MAD1L1: variants seen among roughly 807,000 people sequenced by gnomAD.
MAD1L1 encodes mitotic spindle assembly checkpoint protein MAD1.
MAD1L1 carries 95 observed loss-of-function variants against 96.9 expected under a neutral mutation model. That is an observed-to-expected ratio of 0.98 (90% CI 0.83 to 1.16). The LOEUF (loss-of-function observed/expected upper bound fraction) is 1.16, where lower values mean the gene tolerates loss of function less well. Ranked by LOEUF, MAD1L1 falls within the 50% of genes most tolerant of loss-of-function variation. MAD1L1 has a pLI of 0.00. For synonymous variants in MAD1L1, 473 were observed against 396.6 expected (o/e 1.19, Z -2.29); for missense variants, 1,007 against 954.4 (o/e 1.06, Z -0.73).
At chr7:1,973,914 G>A (rs1158709191) in intron 15 of MAD1L1, among the ~76,000 whole-genome samples, 2 of 152,228 alleles carry the variant, frequency 1.3e-5, no homozygotes, top group Non-Finnish European at 2.9e-5. Flanking sequence ...ACAGACACAG[G>A]AGCAGTGCCG....
intron 14 of MAD1L1, among the ~76,000 whole-genome samples, chr7:1,983,152 G>GCA (rs1554319178): frequency 0.019 from 581 of 29,856 alleles, 3 homozygotes; most frequent in African/African-American, 0.041. Context: ...GCGCGCGCGC[G>GCA]CGCACACACA....
chr7:1,910,455 C>T (rs1315506066), intron 17 of MAD1L1, among the ~76,000 whole-genome samples: 2 of 152,376 alleles, frequency 1.3e-5, no homozygotes, highest in Middle Eastern at 3.4e-3. Flanking sequence ...TCTGCGATGC[C>T]AGCACTGTTG....
chr7:2,140,658 C>A (rs1788984491), intron 11 of MAD1L1, among the ~76,000 whole-genome samples: 1 of 152,224 alleles, frequency 6.6e-6, no homozygotes, highest in African/African-American at 2.4e-5. Context: ...AGGAGAAACC[C>A]CAAGGAGCAA....
chr7:1,903,615 T>C (rs1417763999), intron 17 of MAD1L1, among the ~76,000 whole-genome samples: 1 of 143,130 alleles, frequency 7.0e-6, no homozygotes, highest in Non-Finnish European at 1.5e-5. Flanking sequence ...GAAGAAGCTC[T>C]TGCAGAACTC....
chr7:1,934,252 C>T (rs1257800991), intron 17 of MAD1L1, among the ~76,000 whole-genome samples: 1 of 152,246 alleles, frequency 6.6e-6, no homozygotes, highest in East Asian at 1.9e-4. Context: ...ATGGTCAGCT[C>T]AGACACGCCT....
At chr7:1,822,192 C>T (rs200540120) in intron 18 of MAD1L1, among the ~76,000 whole-genome samples, 7 of 58,490 alleles carry the variant, frequency 1.2e-4, no homozygotes, top group African/African-American at 2.9e-4. Flanking sequence ...AAGTGAAAAA[C>T]AAAATTAAAA....
At chr7:1,946,650 C>T (rs1288272537) in intron 16 of MAD1L1, among the ~76,000 whole-genome samples, 2 of 152,216 alleles carry the variant, frequency 1.3e-5, no homozygotes, top group East Asian at 1.9e-4. Flanking sequence ...GCGGAAGAGC[C>T]GGCTGGCGGG....
chr7:1,955,074 C>T (rs902601075), intron 16 of MAD1L1, among the ~76,000 whole-genome samples: 2 of 152,216 alleles, frequency 1.3e-5, no homozygotes, highest in East Asian at 1.9e-4. Flanking sequence ...GCGGCACTCG[C>T]GCCCAGCTCT....
chr7:1,893,505 C>T lies in MAD1L1; in HGVS notation c.1998+4695G>A, dbSNP rs368187118. ...GGTTTGGCGAGATCTTTCAGGAGCA[C>T]GGGAGCCACGTATGCCAGCCCCCAG... is the stretch of plus-strand genomic sequence containing the variant. On this transcript the variant is annotated intron_variant, in intron 18 of 18. Transcript: ENST00000265854. 7.2e-5 allele frequency among the ~76,000 whole-genome samples: 11 copies of T among 152,222 alleles called. No individual in the cohort carries two copies. The East Asian group carries it at 7.7e-4, about 11-fold the overall frequency.
chr7:1,992,562 C>T (rs558890753), intron 14 of MAD1L1, among the ~76,000 whole-genome samples: 1 of 152,326 alleles, frequency 6.6e-6, no homozygotes, highest in East Asian at 1.9e-4. Flanking sequence ...AAAGTTCTCC[C>T]TACAGAAAGG....
At chr7:2,098,236 C>T (rs1429925365) in intron 11 of MAD1L1, among the ~76,000 whole-genome samples, 1 of 152,224 alleles carries the variant, frequency 6.6e-6, no homozygotes, top group African/African-American at 2.4e-5. Context: ...CCGTCCTCTG[C>T]CAAAGCCCCG....
chr7:1,921,091 C>T (rs1297015514), intron 17 of MAD1L1, among the ~76,000 whole-genome samples: 1 of 152,148 alleles, frequency 6.6e-6, no homozygotes, highest in Non-Finnish European at 1.5e-5. Flanking sequence ...CAGATGGCAG[C>T]CCAGATGACA....
chr7:1,852,673 C>T (rs11764337), intron 18 of MAD1L1, among the ~76,000 whole-genome samples: 26,281 of 152,074 alleles, frequency 0.17, 2,677 homozygotes, highest in South Asian at 0.29. Flanking sequence ...TAATAAAAAG[C>T]TTTGCGAGAT....
intron 15 of MAD1L1, among the ~76,000 whole-genome samples, chr7:1,975,237 G>C (rs1229325411): frequency 6.6e-6 from 1 of 152,246 alleles, no homozygotes; most frequent in South Asian, 2.1e-4. Context: ...CTGATCCCCA[G>C]ATGGGCTGGG....
intron 11 of MAD1L1, among the ~76,000 whole-genome samples, chr7:2,117,286 G>T (rs61661048): frequency 3.5e-4 from 54 of 152,350 alleles, no homozygotes; most frequent in African/African-American, 1.3e-3. Flanking sequence ...GTCAACCCCT[G>T]TGCAAACTAA....
chr7:1,894,259 C>A (rs138587806), intron 18 of MAD1L1, among the ~76,000 whole-genome samples: 80 of 152,322 alleles, frequency 5.3e-4, no homozygotes, highest in African/African-American at 1.6e-3. Context: ...AGGAGGCCAA[C>A]GGCCTCACCC....
intron 11 of MAD1L1, among the ~76,000 whole-genome samples, chr7:2,091,918 T>C (rs1445191540): frequency 1.3e-5 from 2 of 152,250 alleles, no homozygotes; most frequent in Non-Finnish European, 2.9e-5. Context: ...CTTCTGGTTT[T>C]TAGTTAACTA....
At chr7:2,100,999 G>T (rs905264658) in intron 11 of MAD1L1, among the ~76,000 whole-genome samples, 1 of 152,210 alleles carries the variant, frequency 6.6e-6, no homozygotes, top group Non-Finnish European at 1.5e-5. Flanking sequence ...TCATTTGCAC[G>T]TGTCAGGGGA....
In MAD1L1 at chr7:1,932,149, TG is replaced by T. The variant is rs1789515430; in HGVS notation, c.1807+4537del. On this transcript the variant is annotated intron_variant, in intron 17 of 18. Coordinates refer to ENST00000265854, the MANE Select transcript of MAD1L1 (RefSeq NM_001013836.2). ...AGCCCCCGCTGGAGGCTGCCCAGGC[TG>T]GGGGCTTCCTTCTCTGCTCTATATC... Among the ~76,000 whole-genome samples, 3 of 152,294 alleles carry T rather than the reference TG, an allele frequency of 2.0e-5. No individual in the cohort carries two copies. In the South Asian group the frequency reaches 6.2e-4, roughly 32 times the overall value.
Sources: allele counts gnomAD v4.1 joint callset (sites outside exome capture counted in the v4.1 genomes callset), GRCh38; gene constraint gnomAD v4.1.1; transcripts MANE v1.5; gene names NCBI Gene and HGNC (gene_info 2026-07-23, HGNC 2026-07-21).